The following FOXP1 variants were observed in gnomAD, a reference collection of about 807,000 sequenced individuals.
FOXP1 encodes the protein forkhead box P1, also known as forkhead box protein P1.
In FOXP1, 15 loss-of-function variants were observed where a neutral mutation model predicts 98.2. The observed-to-expected ratio is 0.15, with a 90% CI of 0.10 to 0.24. The LOEUF (loss-of-function observed/expected upper bound fraction) is 0.24. Among genes scored for constraint, FOXP1 ranks in the 10% least tolerant of loss-of-function variants. FOXP1 has a pLI of 1.00. For synonymous variants in FOXP1, 371 were observed against 314.5 expected, an observed-to-expected ratio of 1.18 and a Z score of -1.90; for missense variants, 633 against 848.5, an observed-to-expected ratio of 0.75 and a Z score of 3.15.
At chr3:71,252,579 C>T (rs1452608134) in intron 5 of FOXP1, among the ~76,000 whole-genome samples, 1 of 152,150 alleles carries the variant, frequency 6.6e-6, no homozygotes, top group Non-Finnish European at 1.5e-5. Flanking sequence ...ACAACAATGC[C>T]TCAGGCCCCC....
intron 3 of FOXP1, among the ~76,000 whole-genome samples, chr3:71,460,386 C>A (rs2108535159): frequency 6.6e-6 from 1 of 152,024 alleles, no homozygotes; most frequent in East Asian, 1.9e-4. Context: ...GACACAGCCA[C>A]CTACCACCAT....
intron 3 of FOXP1, among the ~76,000 whole-genome samples, chr3:71,394,956 C>T (rs539990320): frequency 4.3e-4 from 66 of 151,986 alleles, no homozygotes; most frequent in Non-Finnish European, 6.9e-4. Context: ...CAAAATTAAC[C>T]GGATGTGGTG....
At chr3:71,236,754 T>A (rs2066813399) in intron 5 of FOXP1, among the ~76,000 whole-genome samples, 1 of 151,626 alleles carries the variant, frequency 6.6e-6, no homozygotes, top group South Asian at 2.1e-4. Flanking sequence ...GTTTCCACAG[T>A]CCCAGCTACT....
chr3:71,198,417 GGGGAGGGA>G, intron 5 of FOXP1, 25 bp from the exon 6 acceptor site: 2 of 788,712 alleles, frequency 2.5e-6, no homozygotes, highest in Non-Finnish European at 4.3e-6. Flanking sequence ...TCCAAGATGG[GGGGAGGGA>G]GGGGGGGAGA....
At chr3:71,530,769 C>T (rs571378453) in intron 2 of FOXP1, among the ~76,000 whole-genome samples, 66 of 152,238 alleles carry the variant, frequency 4.3e-4, no homozygotes, top group African/African-American at 1.6e-3. Context: ...GAAGAGTGGG[C>T]AATTTAGCTG....
chr3:71,094,660 T>C (rs1229254290), intron 7 of FOXP1, among the ~76,000 whole-genome samples: 1 of 151,658 alleles, frequency 6.6e-6, no homozygotes, highest in African/African-American at 2.4e-5. Flanking sequence ...AGAGATATCC[T>C]GAATCTAACA....
chr3:71,348,495 T>C (rs1482407776), intron 4 of FOXP1, among the ~76,000 whole-genome samples: 1 of 148,056 alleles, frequency 6.8e-6, no homozygotes, highest in Non-Finnish European at 1.5e-5. Flanking sequence ...CAGGTGCCAG[T>C]TGCTGTGTTC....
chr3:71,244,860 G>A (rs546386220), intron 5 of FOXP1: 2 of 151,246 alleles, frequency 1.3e-5, no homozygotes, highest in Admixed American at 1.3e-4. Flanking sequence ...TTACCTTAAT[G>A]TTCCTAGTAA....
At chr3:71,412,618 G>A (rs553308423) in intron 3 of FOXP1, among the ~76,000 whole-genome samples, 1 of 152,256 alleles carries the variant, frequency 6.6e-6, no homozygotes, top group Admixed American at 6.5e-5. Context: ...TCAACATGAT[G>A]CAACCAAACC....
intron 2 of FOXP1, among the ~76,000 whole-genome samples, chr3:71,544,324 T>C (rs1429149224): frequency 6.7e-6 from 1 of 150,090 alleles, no homozygotes; most frequent in Non-Finnish European, 1.5e-5. Flanking sequence ...GTCAATTACA[T>C]ATATTTCCAC....
intron 2 of FOXP1, among the ~76,000 whole-genome samples, chr3:71,533,600 C>T (rs2044041243): frequency 6.6e-6 from 1 of 152,040 alleles, no homozygotes; most frequent in Non-Finnish European, 1.5e-5. Flanking sequence ...AATTGGCGTC[C>T]CCAACCCCAT....
At chr3:71,305,275 T>G (rs377450575) in intron 4 of FOXP1, among the ~76,000 whole-genome samples, 1 of 152,190 alleles carries the variant, frequency 6.6e-6, no homozygotes, top group Non-Finnish European at 1.5e-5. Context: ...GATGCCATTA[T>G]GCACACTGAG....
chr3:71,523,419 A>G (rs2043136869), intron 2 of FOXP1, among the ~76,000 whole-genome samples: 4 of 152,162 alleles, frequency 2.6e-5, no homozygotes, highest in Admixed American at 2.6e-4. Context: ...ATAAACAGTA[A>G]CCCTTTATTT....
At chr3:71,491,714 C>T (rs558252408) in intron 3 of FOXP1, among the ~76,000 whole-genome samples, 1 of 152,294 alleles carries the variant, frequency 6.6e-6, no homozygotes, top group South Asian at 2.1e-4. Context: ...GCCAATAGCT[C>T]TTTGAAAATC....
At chr3:71,192,374 A>G (rs913781405) in intron 6 of FOXP1, among the ~76,000 whole-genome samples, 1 of 152,210 alleles carries the variant, frequency 6.6e-6, no homozygotes, top group African/African-American at 2.4e-5. Context: ...TGGAATTTTA[A>G]TATGGTGCCC....
intron 2 of FOXP1, among the ~76,000 whole-genome samples, chr3:71,529,399 G>C (rs932871151): frequency 1.3e-5 from 2 of 152,136 alleles, no homozygotes; most frequent in Non-Finnish European, 2.9e-5. Context: ...TTTGGTCTCT[G>C]CCCTTGTTTC....
At chr3:71,083,831 C>A (rs539286323) in intron 7 of FOXP1, among the ~76,000 whole-genome samples, 1 of 152,200 alleles carries the variant, frequency 6.6e-6, no homozygotes, top group East Asian at 1.9e-4. Flanking sequence ...TCACCCCAAC[C>A]CCTCATCACT....
chr3:71,281,801 C>T (rs532406755), intron 5 of FOXP1, among the ~76,000 whole-genome samples: 24 of 152,194 alleles, frequency 1.6e-4, no homozygotes, highest in African/African-American at 5.8e-4. Flanking sequence ...ACATTATCAT[C>T]CCTCAAATCT....
chr3:70,979,322 A>AAAAAAATAAAT (rs1463285491), intron 14 of FOXP1, among the ~76,000 whole-genome samples: 1 of 136,856 alleles, frequency 7.3e-6, no homozygotes, highest in African/African-American at 2.9e-5. Context: ...AAAAAAAAAG[A>AAAAAAATAAAT]AAAAAATAAA....
Sources: gnomAD v4.1 joint callset for allele counts (sites outside exome capture counted in the v4.1 genomes callset) on GRCh38, gnomAD v4.1.1 for gene constraint, MANE v1.5 for transcripts, NCBI Gene and HGNC (gene_info 2026-07-23, HGNC 2026-07-21) for gene names.